Variants in RAB31 observed in about 807,000 individuals in gnomAD.
The protein encoded by RAB31 is ras-related protein Rab-31.
RAB31 carries 21 observed loss-of-function variants against 25.6 expected under a neutral mutation model. The observed-to-expected ratio is 0.82, with a 90% CI of 0.58 to 1.18. The LOEUF is 1.18. Ranked by LOEUF, RAB31 falls within the 50% of genes most tolerant of loss-of-function variation. RAB31 has a pLI of 0.00. For synonymous variants in RAB31, 87 were observed against 84.0 expected, an observed-to-expected ratio of 1.04 and a Z score of -0.20; for missense variants, 196 against 250.1, an observed-to-expected ratio of 0.78 and a Z score of 1.46.
intron 6 of RAB31, among the ~76,000 whole-genome samples, chr18:9,857,686 T>TA (rs1555693032): frequency 0.17 from 19,463 of 111,386 alleles, 1,556 homozygotes; most frequent in East Asian, 0.22. Flanking sequence ...GATAGATAGA[T>TA]GATAGATAGA....
intron 2 of RAB31, among the ~76,000 whole-genome samples, chr18:9,790,370 C>A (rs2068453779): frequency 6.6e-6 from 1 of 151,644 alleles, no homozygotes; most frequent in South Asian, 2.1e-4. Context: ...GAACTACAGG[C>A]TGTGCCATAA....
intron 3 of RAB31, among the ~76,000 whole-genome samples, chr18:9,806,101 C>T (rs961758518): frequency 4.7e-5 from 7 of 150,532 alleles, no homozygotes; most frequent in African/African-American, 1.7e-4. Flanking sequence ...GGCGTGAACC[C>T]GGGAGGCGGA....
intron 3 of RAB31, among the ~76,000 whole-genome samples, chr18:9,808,949 T>A (rs1024685788): frequency 6.6e-6 from 1 of 152,218 alleles, no homozygotes; most frequent in African/African-American, 2.4e-5. Context: ...GCCACAAACC[T>A]GCATTTAAGG....
intron 1 of RAB31, among the ~76,000 whole-genome samples, chr18:9,755,067 A>G (rs1446595024): frequency 6.6e-6 from 1 of 152,168 alleles, no homozygotes; most frequent in Non-Finnish European, 1.5e-5. Flanking sequence ...TCCCAACTGT[A>G]AGGCGTCACA....
intron 5 of RAB31, among the ~76,000 whole-genome samples, chr18:9,832,858 C>T (rs894438102): frequency 2.0e-5 from 3 of 152,172 alleles, no homozygotes; most frequent in Non-Finnish European, 2.9e-5. Context: ...GAACTCACAG[C>T]GGAAGTCCAA....
At chr18:9,800,761 A>T (rs1451214230) in intron 3 of RAB31, among the ~76,000 whole-genome samples, 1 of 151,372 alleles carries the variant, frequency 6.6e-6, no homozygotes, top group African/African-American at 2.4e-5. Context: ...GTTGACTATC[A>T]GTATGTGGAG....
At chr18:9,782,410 T>A (rs1052081757) in intron 2 of RAB31, among the ~76,000 whole-genome samples, 1 of 152,234 alleles carries the variant, frequency 6.6e-6, no homozygotes, top group Non-Finnish European at 1.5e-5. Context: ...TACAATGCCA[T>A]GGGCTGTAAA....
At chr18:9,782,119 A>G (rs1198926870) in intron 2 of RAB31, among the ~76,000 whole-genome samples, 1 of 152,160 alleles carries the variant, frequency 6.6e-6, no homozygotes, top group Non-Finnish European at 1.5e-5. Context: ...GCTTCATGCC[A>G]TTCCCGCTAG....
chr18:9,754,573 C>T (rs900814606), intron 1 of RAB31, among the ~76,000 whole-genome samples: 1 of 152,172 alleles, frequency 6.6e-6, no homozygotes, highest in Non-Finnish European at 1.5e-5. Context: ...AGTCACTGCA[C>T]CCAGCCCAGA....
chr18:9,719,817 A>G (rs974522826), intron 1 of RAB31, among the ~76,000 whole-genome samples: 2 of 152,138 alleles, frequency 1.3e-5, no homozygotes, highest in African/African-American at 4.8e-5. Flanking sequence ...CTTCGCTTTT[A>G]CAGGAAAGTG....
At chr18:9,856,454 TA>T (rs2068816296) in intron 6 of RAB31, 1 of 152,236 alleles carries the variant, frequency 6.6e-6, no homozygotes, top group African/African-American at 2.4e-5. Flanking sequence ...GTCTTACATA[TA>T]AACTTTTTCT....
intron 1 of RAB31, among the ~76,000 whole-genome samples, chr18:9,732,282 GC>G (rs138724948): frequency 0.015 from 2,353 of 152,282 alleles, 62 homozygotes; most frequent in African/African-American, 0.054. Flanking sequence ...ATGAGGCTGG[GC>G]CCCTGGGGCA....
intron 1 of RAB31, among the ~76,000 whole-genome samples, chr18:9,709,585 AGGCTCCCATCATC>A (rs2068005849): frequency 6.6e-6 from 1 of 152,200 alleles, no homozygotes; most frequent in Non-Finnish European, 1.5e-5. Context: ...AACCTCCGGC[AGGCTCCCATCATC>A]GGCTCCCATC....
At chr18:9,834,271 A>T (rs2068693612) in intron 5 of RAB31, among the ~76,000 whole-genome samples, 1 of 152,044 alleles carries the variant, frequency 6.6e-6, no homozygotes, top group Admixed American at 6.6e-5. Flanking sequence ...GCCCGCCACC[A>T]CGCCTAGCTA....
intron 1 of RAB31, among the ~76,000 whole-genome samples, chr18:9,716,768 G>A (rs972454573): frequency 6.6e-6 from 1 of 151,920 alleles, no homozygotes; most frequent in African/African-American, 2.4e-5. Context: ...TATTTGAGAC[G>A]GAGTCTTGCT....
intron 3 of RAB31, among the ~76,000 whole-genome samples, chr18:9,803,207 G>A (rs944239909): frequency 6.6e-6 from 1 of 151,486 alleles, no homozygotes; most frequent in Non-Finnish European, 1.5e-5. Flanking sequence ...TTTCACAAGA[G>A]CACTGTGCTT....
chr18:9,738,148 G>A lies in RAB31; in HGVS notation c.39+29704G>A, dbSNP rs111332330. ...ACGCCGCCTGGGCCACTGCAAGACCGGTGTGGCAGACAGACCCCCTGGCGA... is the reference window on the plus strand; with the variant it reads ...ACGCCGCCTGGGCCACTGCAAGACCAGTGTGGCAGACAGACCCCCTGGCGA... On this transcript the variant is annotated intron_variant, in intron 1 of 6. Coordinates refer to ENST00000578921, the MANE Select transcript of RAB31 (RefSeq NM_006868.4). 2.1e-3 allele frequency among the ~76,000 whole-genome samples: 321 copies of A among 152,340 alleles called. 4 individuals are homozygous for A. The highest frequency in any genetic ancestry group is 6.8e-3 in the African/African-American group (283 of 41,568).
intron 1 of RAB31, among the ~76,000 whole-genome samples, chr18:9,768,320 G>A (rs575165802): frequency 3.3e-5 from 5 of 152,296 alleles, no homozygotes; most frequent in African/African-American, 1.2e-4. Flanking sequence ...CCCACCAACA[G>A]TGTAAAAGCA....
intron 5 of RAB31, among the ~76,000 whole-genome samples, chr18:9,819,186 A>G (rs996416993): frequency 6.6e-6 from 1 of 152,118 alleles, no homozygotes; most frequent in African/African-American, 2.4e-5. Context: ...ACAAATATTT[A>G]TTAATGTTTT....
Sources: allele counts gnomAD v4.1 joint callset (sites outside exome capture counted in the v4.1 genomes callset), GRCh38; gene constraint gnomAD v4.1.1; transcripts MANE v1.5; gene names NCBI Gene and HGNC (gene_info 2026-07-23, HGNC 2026-07-21).